PBX3: variants seen among roughly 807,000 people sequenced by gnomAD.
The protein encoded by PBX3 is PBX homeobox 3, also known as pre-B-cell leukemia transcription factor 3.
PBX3 carries 14 observed loss-of-function variants against 48.5 expected under a neutral mutation model. The ratio of observed to expected loss-of-function variants is 0.29; its 90% CI spans 0.19 to 0.45. The LOEUF (loss-of-function observed/expected upper bound fraction) is 0.45. PBX3 is among the 20% of genes least tolerant of loss of function. PBX3 has a pLI of 1.00. For missense variants in PBX3, 386 were observed against 546.7 expected (o/e 0.71, Z 2.93); for synonymous variants, 210 against 200.3 (o/e 1.05, Z -0.41).
intron 2 of PBX3, among the ~76,000 whole-genome samples, chr9:125,902,428 A>G (rs1840969644): frequency 6.6e-6 from 1 of 151,646 alleles, no homozygotes; most frequent in Non-Finnish European, 1.5e-5. Flanking sequence ...GAGTATCCAG[A>G]TTTGACCTGC....
At chr9:125,952,250 A>T (rs1447542862) in intron 5 of PBX3, among the ~76,000 whole-genome samples, 1 of 152,224 alleles carries the variant, frequency 6.6e-6, no homozygotes, top group South Asian at 2.1e-4. Context: ...TGTTAATTTC[A>T]ATAATGATGT....
At chr9:125,899,467 AG>A in intron 2 of PBX3, among the ~76,000 whole-genome samples, 1 of 147,080 alleles carries the variant, frequency 6.8e-6, no homozygotes, top group Non-Finnish European at 1.5e-5. Context: ...AGAGAGAGAG[AG>A]AGAGAGAGAG....
In PBX3 at chr9:125,967,024, C is replaced by G. The variant is rs564756117; in HGVS notation, c.*1101C>G. The stretch of plus-strand genomic sequence containing the variant: ...ATTGGGTCTTAATTCAACACAGGAT[C>G]GGTAAAACTGTTGTAAATACTGAGA... On this transcript the variant is annotated 3_prime_UTR_variant, in exon 9 of 9. Transcript: ENST00000373489. 1 of 150,948 alleles carries G rather than the reference C, an allele frequency of 6.6e-6. No individual in the cohort carries two copies. The highest frequency in any genetic ancestry group is 1.5e-5 in the Non-Finnish European group (1 of 67,880). The allele number at this position is 150,948 out of a possible 1,614,324, so 9.4% of individuals were successfully genotyped here.
At chr9:125,949,517 A>G in intron 5 of PBX3, 1 of 1,545,264 alleles carries the variant, frequency 6.5e-7, no homozygotes, top group East Asian at 2.4e-5. Flanking sequence ...TCTCTGATGG[A>G]CCTATACTGT....
chr9:125,935,340 C>G, intron 4 of PBX3, 132 bp from the exon 5 acceptor site: 1 of 726,402 alleles, frequency 1.4e-6, no homozygotes, highest in Non-Finnish European at 2.3e-6. Context: ...CGTATAATAT[C>G]ACAGAAATAA....
At chr9:125,900,061 A>G (rs1840905012) in intron 2 of PBX3, among the ~76,000 whole-genome samples, 1 of 151,712 alleles carries the variant, frequency 6.6e-6, no homozygotes, top group African/African-American at 2.4e-5. Flanking sequence ...ATCTCTGACA[A>G]TAAACTTAAA....
intron 2 of PBX3, among the ~76,000 whole-genome samples, chr9:125,788,015 C>T (rs748303808): frequency 3.3e-5 from 5 of 152,132 alleles, no homozygotes; most frequent in Non-Finnish European, 7.4e-5. Context: ...TGAAGCCAGA[C>T]TCATGGAATT....
At chr9:125,877,785 A>T (rs542064047) in intron 2 of PBX3, among the ~76,000 whole-genome samples, 1 of 152,194 alleles carries the variant, frequency 6.6e-6, no homozygotes, top group Non-Finnish European at 1.5e-5. Context: ...ATCATCAACA[A>T]CATCAACAAT....
chr9:125,787,731 T>A (rs1277500242), intron 2 of PBX3, among the ~76,000 whole-genome samples: 9 of 152,112 alleles, frequency 5.9e-5, no homozygotes, highest in Admixed American at 5.2e-4. Flanking sequence ...TTTAGGATTG[T>A]TTGGTTTAAT....
chr9:125,846,741 C>CA (rs1839434487), intron 2 of PBX3, among the ~76,000 whole-genome samples: 1 of 151,876 alleles, frequency 6.6e-6, no homozygotes, highest in Admixed American at 6.6e-5. Flanking sequence ...TTTAAAAAAC[C>CA]ATAAAATTTC....
chr9:125,765,152 G>A (rs1183091234), intron 2 of PBX3, among the ~76,000 whole-genome samples: 1 of 151,044 alleles, frequency 6.6e-6, no homozygotes, highest in African/African-American at 2.4e-5. Flanking sequence ...TAAAGAAATT[G>A]GTTTTTTTTT....
intron 2 of PBX3, among the ~76,000 whole-genome samples, chr9:125,834,957 C>A (rs1191774290): frequency 8.3e-6 from 1 of 120,948 alleles, no homozygotes; most frequent in Admixed American, 1.1e-4. Flanking sequence ...GCAGAAGTTG[C>A]AGTGAGCCAA....
At chr9:125,891,557 G>C (rs1276181609) in intron 2 of PBX3, among the ~76,000 whole-genome samples, 1 of 152,192 alleles carries the variant, frequency 6.6e-6, no homozygotes, top group African/African-American at 2.4e-5. Context: ...AGAATAAAAT[G>C]TTTATAGAGT....
chr9:125,920,154 A>G lies in PBX3; in HGVS notation c.516+4227A>G, dbSNP rs182168243. The stretch of plus-strand genomic sequence containing the variant: ...TTGTTGATTCTGACACCCAGCAGGA[A>G]TATGATAATTTTCCAAAACTTGCGG... On this transcript the variant is annotated intron_variant, in intron 3 of 8. Transcript: ENST00000373489. 1.2e-3 allele frequency among the ~76,000 whole-genome samples: 176 copies of G among 152,374 alleles called. 1 individual carries two copies. The highest frequency in any genetic ancestry group is 4.0e-3 in the African/African-American group (166 of 41,594).
chr9:125,801,643 G>A (rs1837947951), intron 2 of PBX3, among the ~76,000 whole-genome samples: 2 of 147,308 alleles, frequency 1.4e-5, no homozygotes, highest in Admixed American at 7.0e-5. Flanking sequence ...GTATGTTATC[G>A]TGTGATATGT....
At chr9:125,750,727 TA>T (rs1487593837) in intron 2 of PBX3, among the ~76,000 whole-genome samples, 1 of 152,164 alleles carries the variant, frequency 6.6e-6, no homozygotes, top group Non-Finnish European at 1.5e-5. Context: ...ATCTCTTTTG[TA>T]AAAAGCCAAC....
intron 2 of PBX3, among the ~76,000 whole-genome samples, chr9:125,884,254 C>T (rs1398345644): frequency 6.6e-6 from 1 of 152,142 alleles, no homozygotes; most frequent in East Asian, 1.9e-4. Context: ...TAGAAGCAAT[C>T]TATAGTTGTC....
intron 2 of PBX3, among the ~76,000 whole-genome samples, chr9:125,899,283 A>T (rs1447796512): frequency 8.2e-6 from 1 of 122,076 alleles, no homozygotes; most frequent in Admixed American, 8.7e-5. Flanking sequence ...ACATATGTAT[A>T]TATATTTATA....
intron 2 of PBX3, among the ~76,000 whole-genome samples, chr9:125,853,792 T>TA (rs1489406604): frequency 1.3e-5 from 2 of 152,198 alleles, no homozygotes; most frequent in Non-Finnish European, 1.5e-5. Context: ...AGTGAATACT[T>TA]ATTAGTTTCT....
Sources: allele counts gnomAD v4.1 joint callset (sites outside exome capture counted in the v4.1 genomes callset), GRCh38; gene constraint gnomAD v4.1.1; transcripts MANE v1.5; gene names NCBI Gene and HGNC (gene_info 2026-07-23, HGNC 2026-07-21).